The following TENM4 variants were observed in gnomAD, a reference collection of about 807,000 sequenced individuals.
The protein encoded by TENM4 is teneurin transmembrane protein 4, also known as teneurin-4.
TENM4 carries 82 observed loss-of-function variants against 243.3 expected under a neutral mutation model. The observed-to-expected ratio is 0.34, with a 90% confidence interval of 0.28 to 0.40. The LOEUF (loss-of-function observed/expected upper bound fraction) is 0.40. TENM4 is among the 10% of genes least tolerant of loss of function. The pLI is 1.00. For missense variants in TENM4, 3,138 were observed against 3,673.3 expected (o/e 0.85, Z 3.77); for synonymous variants, 1,412 against 1,456.3 (o/e 0.97, Z 0.69).
chr11:79,036,261 T>G (rs1323490308), intron 6 of TENM4, among the ~76,000 whole-genome samples: 1 of 152,218 alleles, frequency 6.6e-6, no homozygotes, highest in East Asian at 1.9e-4. Flanking sequence ...GCAGGCATCC[T>G]TCTCCTTTGC....
chr11:78,759,811 G>A (rs1276238975), intron 18 of TENM4, among the ~76,000 whole-genome samples: 1 of 152,196 alleles, frequency 6.6e-6, no homozygotes, highest in Non-Finnish European at 1.5e-5. Context: ...GGAACCAGAG[G>A]CTCAAAGTGG....
chr11:78,688,101 A>G lies in TENM4; in HGVS notation c.5213T>C (p.Ile1738Thr), dbSNP rs965848850. The G allele has an allele frequency of 6.2e-7, 1 of 1,613,910 alleles. No homozygotes were observed. The highest frequency in any genetic ancestry group is 1.3e-5 in the African/African-American group (1 of 75,012). Residue 1738 changes from isoleucine (I) to threonine (T), a missense_variant, in exon 29 of 34, where the codon ATA becomes ACA. Coordinates refer to ENST00000278550, the MANE Select transcript of TENM4 (RefSeq NM_001098816.3). ...VETSSKDDVT[I>T]TTNLSASGAF... ...GCCTGAGGCAGACAGGTTGGTGGTT[A>G]TGGTGACATCATCCTTGCTGGAGGT...
intron 4 of TENM4, among the ~76,000 whole-genome samples, chr11:79,117,425 T>A (rs1565210580): frequency 6.6e-6 from 1 of 152,174 alleles, no homozygotes; most frequent in Non-Finnish European, 1.5e-5. Context: ...GTCCTTTAAA[T>A]GTTGTGATCA....
At chr11:78,819,405 T>C (rs1857677989) in intron 12 of TENM4, among the ~76,000 whole-genome samples, 1 of 152,128 alleles carries the variant, frequency 6.6e-6, no homozygotes, top group Non-Finnish European at 1.5e-5. Context: ...CCTCATTTTG[T>C]AGGAAACAAG....
At chr11:78,792,628 G>A (rs996169158) in intron 15 of TENM4, among the ~76,000 whole-genome samples, 2 of 152,168 alleles carry the variant, frequency 1.3e-5, no homozygotes, top group Admixed American at 6.5e-5. Flanking sequence ...CTAGCACCAG[G>A]TGTGGCCCAG....
chr11:79,439,372 C>A (rs1386591789), intron 1 of TENM4, among the ~76,000 whole-genome samples: 1 of 152,088 alleles, frequency 6.6e-6, no homozygotes, highest in Admixed American at 6.6e-5. Context: ...TGGCGCGGTA[C>A]TGTTGAGGGC....
At chr11:78,926,176 A>G (rs1856547568) in intron 6 of TENM4, among the ~76,000 whole-genome samples, 1 of 152,046 alleles carries the variant, frequency 6.6e-6, no homozygotes, top group Admixed American at 6.5e-5. Flanking sequence ...ATTTAGAAGC[A>G]TGGAGGTAAA....
chr11:79,031,066 T>C (rs372120496), intron 6 of TENM4, among the ~76,000 whole-genome samples: 106 of 152,288 alleles, frequency 7.0e-4, no homozygotes, highest in African/African-American at 2.2e-3. Context: ...CACTGCATTG[T>C]AGGGACCACG....
chr11:79,000,601 CCACTAAAA>C (rs1210162112), intron 6 of TENM4, among the ~76,000 whole-genome samples: 1 of 151,742 alleles, frequency 6.6e-6, no homozygotes, highest in South Asian at 2.1e-4. Context: ...CCTAGAGCAA[CCACTAAAA>C]AAAATCCTCA....
At chr11:78,676,100 G>A (rs779748594) in intron 30 of TENM4, 52 bp downstream of exon 30, 115 of 1,412,022 alleles carry the variant, frequency 8.1e-5, no homozygotes, top group Middle Eastern at 5.2e-4. Flanking sequence ...CCGTTCTCCC[G>A]TTCCCCATTC....
chr11:79,177,301 T>A (rs560679052), intron 3 of TENM4, among the ~76,000 whole-genome samples: 4 of 152,230 alleles, frequency 2.6e-5, no homozygotes, highest in Middle Eastern at 3.4e-3. Context: ...TTAGTGCTCC[T>A]CCACCAGACT....
At chr11:79,137,127 GC>G (rs1862125036) in intron 4 of TENM4, among the ~76,000 whole-genome samples, 2 of 152,126 alleles carry the variant, frequency 1.3e-5, no homozygotes, top group Admixed American at 6.6e-5. Context: ...TGTTCTGCTG[GC>G]CTAGAGGTTT....
At chr11:79,421,763 G>T (rs973816169) in intron 1 of TENM4, among the ~76,000 whole-genome samples, 11 of 151,308 alleles carry the variant, frequency 7.3e-5, no homozygotes, top group African/African-American at 2.7e-4. Flanking sequence ...GGCTGATCTC[G>T]ATCTACAGTA....
chr11:79,302,083 T>G (rs147531413), intron 1 of TENM4, among the ~76,000 whole-genome samples: 1 of 152,334 alleles, frequency 6.6e-6, no homozygotes, highest in Non-Finnish European at 1.5e-5. Flanking sequence ...ACTTGGCACA[T>G]TCTAGGCACT....
At chr11:78,872,214 C>T (rs1250972782) in intron 9 of TENM4, among the ~76,000 whole-genome samples, 1 of 152,206 alleles carries the variant, frequency 6.6e-6, no homozygotes, top group Non-Finnish European at 1.5e-5. Context: ...ACAGGACAGG[C>T]TTCCATTTCA....
intron 1 of TENM4, among the ~76,000 whole-genome samples, chr11:79,363,362 A>G (rs1411691854): frequency 6.6e-6 from 1 of 152,188 alleles, no homozygotes; most frequent in Non-Finnish European, 1.5e-5. Flanking sequence ...TTTTCTCCCA[A>G]CCGGAATGTA....
chr11:79,354,058 T>C (rs1007053653), intron 1 of TENM4, among the ~76,000 whole-genome samples: 4 of 152,232 alleles, frequency 2.6e-5, no homozygotes, highest in African/African-American at 4.8e-5. Flanking sequence ...TGCAGACCCA[T>C]TGTTTATTTT....
intron 3 of TENM4, among the ~76,000 whole-genome samples, chr11:79,167,884 A>G (rs572371632): frequency 6.6e-6 from 1 of 152,338 alleles, no homozygotes; most frequent in East Asian, 1.9e-4. Flanking sequence ...ATGCATGTAG[A>G]GATTTAAAAA....
At chr11:78,677,551 G>C (rs1428624709) in intron 29 of TENM4, among the ~76,000 whole-genome samples, 1 of 151,774 alleles carries the variant, frequency 6.6e-6, no homozygotes, top group East Asian at 1.9e-4. Context: ...CACCATACCT[G>C]GCAGGTTGAA....
Sources: allele counts gnomAD v4.1 joint callset (sites outside exome capture counted in the v4.1 genomes callset), GRCh38; gene constraint gnomAD v4.1.1; transcripts MANE v1.5; gene names NCBI Gene and HGNC (gene_info 2026-07-23, HGNC 2026-07-21).